IFT46: variants seen among roughly 807,000 people sequenced by gnomAD.
The protein encoded by IFT46 is intraflagellar transport protein 46 homolog.
A neutral mutation model predicts 39.6 loss-of-function variants in IFT46; 19 were observed. The observed-to-expected ratio is 0.48, with a 90% CI of 0.33 to 0.70. The LOEUF (loss-of-function observed/expected upper bound fraction) is 0.70, where lower values mean the gene tolerates loss of function less well. Among genes scored for constraint, IFT46 ranks in the 30% least tolerant of loss-of-function variants. IFT46 has a pLI of 0.01. For missense variants in IFT46, 334 were observed against 364.8 expected (o/e 0.92, Z 0.69); for synonymous variants, 117 against 134.8 (o/e 0.87, Z 0.91).
chr11:118,550,837 G>T (rs1345603785), intron 9 of IFT46, among the ~76,000 whole-genome samples: 6 of 151,930 alleles, frequency 3.9e-5, no homozygotes, highest in African/African-American at 1.5e-4. Flanking sequence ...GACCAGCCTG[G>T]CCAAGATGGT....
chr11:118,561,133 T>A, intron 2 of IFT46: 1 of 1,480,312 alleles, frequency 6.8e-7, no homozygotes, highest in Non-Finnish European at 9.3e-7. Flanking sequence ...TGGATACAGG[T>A]CTTGCCAGAA....
At chr11:118,553,131 CA>C in intron 7 of IFT46, among the ~76,000 whole-genome samples, 1 of 151,556 alleles carries the variant, frequency 6.6e-6, no homozygotes, top group Non-Finnish European at 1.5e-5. Flanking sequence ...GTCAAAATGG[CA>C]GGACTGACCA....
In IFT46 at chr11:118,561,381, C is replaced by T. The variant is rs1321430427; in HGVS notation, c.-35-1517G>A. ...TCTCAATGCATAAAGAAGAGCGTAA[C>T]TCCAGACATGATGGAAGAGATGTAT... On this transcript the variant is annotated intron_variant, in intron 2 of 11. Coordinates refer to ENST00000264021, the MANE Select transcript of IFT46 (RefSeq NM_001168618.2). The T allele has an allele frequency of 3.5e-6, 3 of 845,930 alleles. No homozygotes were observed. In the African/African-American group the frequency reaches 5.0e-5, roughly 14 times the overall value. 52.4% of individuals were successfully genotyped at this position (845,930 alleles called of 1,614,324 possible). A position where few individuals can be genotyped will look rare whatever the true frequency, so the allele number is the denominator to read the frequency against.
chr11:118,551,689 AAG>A, intron 9 of IFT46, 95 bp downstream of exon 9: 1 of 889,500 alleles, frequency 1.1e-6, no homozygotes, highest in East Asian at 2.6e-5. Context: ...AAAAAAAAAA[AAG>A]TTACCAATAA....
upstream of IFT46, among the ~76,000 whole-genome samples, chr11:118,576,669 C>T (rs1291717437): frequency 6.6e-6 from 1 of 152,084 alleles, no homozygotes; most frequent in African/African-American, 2.4e-5. Flanking sequence ...GGTGACCATA[C>T]CTTCTAGCCA....
At chr11:118,552,877 G>C (rs1343185480) in intron 7 of IFT46, among the ~76,000 whole-genome samples, 1 of 150,144 alleles carries the variant, frequency 6.7e-6, no homozygotes. Flanking sequence ...CTTGAGGTCA[G>C]CCTAGACAAC....
chr11:118,558,924 A>G (rs140389714), intron 3 of IFT46, among the ~76,000 whole-genome samples: 1 of 149,184 alleles, frequency 6.7e-6, no homozygotes, highest in East Asian at 2.0e-4. Context: ...AAAAAAAAAA[A>G]CAAACAAAAA....
intron 6 of IFT46, 122 bp downstream of exon 6, chr11:118,554,868 A>G (rs1223481371): frequency 2.6e-6 from 2 of 763,384 alleles, no homozygotes; most frequent in African/African-American, 1.8e-5. Context: ...CAAGGTTAAG[A>G]ACTCCAATGA....
At chr11:118,545,591 G>A (rs1344939812) in intron 10 of IFT46, 97 bp from the exon 11 acceptor site, 10 of 1,160,486 alleles carry the variant, frequency 8.6e-6, no homozygotes, top group African/African-American at 1.5e-5. Flanking sequence ...CAGATGGGGT[G>A]TCGCTATGAC....
intron 9 of IFT46, 70 bp downstream of exon 9, chr11:118,551,716 G>C: frequency 9.9e-7 from 1 of 1,008,854 alleles, no homozygotes; most frequent in Non-Finnish European, 1.5e-6. Context: ...AATGGAGGAA[G>C]AGAAAAAACA....
chr11:118,545,116 G>T, intron 11 of IFT46, 105 bp from the exon 12 acceptor site: 1 of 895,040 alleles, frequency 1.1e-6, no homozygotes, highest in Non-Finnish European at 1.8e-6. Flanking sequence ...TTTCCTTCCT[G>T]CTTCCATTCA....
At chr11:118,569,375 T>C (rs1352056415), upstream of IFT46, among the ~76,000 whole-genome samples, 1 of 151,926 alleles carries the variant, frequency 6.6e-6, no homozygotes, top group African/African-American at 2.4e-5. Flanking sequence ...GGAGTACTGC[T>C]TGAGGTCAGG....
chr11:118,544,745 C>A lies in IFT46; in HGVS notation c.*171G>T. On this transcript the variant is annotated 3_prime_UTR_variant, in exon 12 of 12. Transcript: ENST00000264021. ...GACAGCAATCTGAGGCAGGCAGGTTCATTAAACAAACATGTTCTGTGCCCT... is the reference window on the plus strand; with the variant it reads ...GACAGCAATCTGAGGCAGGCAGGTTAATTAAACAAACATGTTCTGTGCCCT... The A allele has an allele frequency of 1.7e-6, 1 of 592,826 alleles. No homozygotes were observed. Among genetic ancestry groups the A allele is most frequent in the Non-Finnish European group, 3.0e-6 (1 of 329,874 alleles). The allele number at this position is 592,826 out of a possible 1,614,324, so 36.7% of individuals were successfully genotyped here. A position where few individuals can be genotyped will look rare whatever the true frequency, so the allele number is the denominator to read the frequency against.
chr11:118,549,252 A>T (rs1319762113), intron 9 of IFT46, among the ~76,000 whole-genome samples: 1 of 144,972 alleles, frequency 6.9e-6, no homozygotes, highest in Non-Finnish European at 1.5e-5. Context: ...TGTTGCCCAG[A>T]CCGGTCCTGA....
intron 2 of IFT46, among the ~76,000 whole-genome samples, chr11:118,562,916 T>A (rs2135509317): frequency 1.3e-5 from 2 of 152,136 alleles, no homozygotes; most frequent in East Asian, 3.9e-4. Flanking sequence ...ATACAAAAAA[T>A]TAGCTGGGTG....
intron 3 of IFT46, chr11:118,558,029 T>A: frequency 1.2e-6 from 1 of 839,908 alleles, no homozygotes; most frequent in Non-Finnish European, 1.8e-6. Flanking sequence ...AAGCAGCTAT[T>A]GGCACACAAA....
At chr11:118,549,243 G>A (rs1201981363) in intron 9 of IFT46, among the ~76,000 whole-genome samples, 1 of 149,594 alleles carries the variant, frequency 6.7e-6, no homozygotes, top group Non-Finnish European at 1.5e-5. Flanking sequence ...GTCTCCTATT[G>A]TTGCCCAGAC....
At chr11:118,558,929 C>A (rs369765579) in intron 3 of IFT46, among the ~76,000 whole-genome samples, 2,454 of 146,472 alleles carry the variant, frequency 0.017, 71 homozygotes, top group African/African-American at 0.055. Context: ...AAAAAACAAA[C>A]AAAAAAAACA....
intron 9 of IFT46, among the ~76,000 whole-genome samples, chr11:118,551,525 A>C (rs542266): frequency 0.64 from 96,193 of 151,444 alleles, 32,183 homozygotes; most frequent in African/African-American, 0.86. Flanking sequence ...AATTAAAAAA[A>C]TGGCTGAGTG....
Sources: gnomAD v4.1 joint callset for allele counts (sites outside exome capture counted in the v4.1 genomes callset) on GRCh38, gnomAD v4.1.1 for gene constraint, MANE v1.5 for transcripts, NCBI Gene and HGNC (gene_info 2026-07-23, HGNC 2026-07-21) for gene names.